Variants in RARB observed in about 807,000 individuals in gnomAD.
RARB encodes the protein HBV-activated protein.
A neutral mutation model predicts 51.9 loss-of-function variants in RARB; 17 were observed. The ratio of observed to expected loss-of-function variants is 0.33; its 90% CI spans 0.22 to 0.49. RARB has a LOEUF of 0.49. Ranked by LOEUF, RARB falls within the 20% of genes least tolerant of loss-of-function variation. The pLI is 0.99. For missense variants in RARB, 369 were observed against 550.8 expected (o/e 0.67, Z 3.30); for synonymous variants, 215 against 195.4 (o/e 1.10, Z -0.84).
intron 1 of RARB, chr3:25,458,221 G>A (rs1005198969): frequency 6.6e-6 from 1 of 152,208 alleles, no homozygotes; most frequent in African/African-American, 2.4e-5. Context: ...AATGTTTTCT[G>A]TGAAAAATAT....
intron 2 of RARB, among the ~76,000 whole-genome samples, chr3:24,935,791 T>C (rs1017879427): frequency 6.6e-6 from 1 of 152,174 alleles, no homozygotes; most frequent in African/African-American, 2.4e-5. Flanking sequence ...TAATATGGCA[T>C]AATCATAACT....
At chr3:25,014,071 C>T (rs1449630427) in intron 2 of RARB, among the ~76,000 whole-genome samples, 1 of 152,118 alleles carries the variant, frequency 6.6e-6, no homozygotes, top group African/African-American at 2.4e-5. Flanking sequence ...AAACTCAAAA[C>T]TTACCTCCTT....
At chr3:25,080,675 G>T (rs1385206456) in intron 3 of RARB, among the ~76,000 whole-genome samples, 1 of 152,148 alleles carries the variant, frequency 6.6e-6, no homozygotes, top group Non-Finnish European at 1.5e-5. Context: ...ATGATGTTGA[G>T]CATTTCATGT....
Position 25,478,103 on chromosome 3 carries a change from C to T in RARB, c.306+16762C>T, listed in dbSNP as rs114921984. Reference sequence around the variant, plus strand: ...ACATGGGGGCTCAGAGGTCCAAAAACGAAGGTTGCAGAGGACAAGGTAGGA... The same window carrying T: ...ACATGGGGGCTCAGAGGTCCAAAAATGAAGGTTGCAGAGGACAAGGTAGGA... On this transcript the variant is annotated intron_variant, in intron 2 of 7. Transcript: ENST00000330688. 3.2e-3 allele frequency among the ~76,000 whole-genome samples: 483 copies of T among 152,176 alleles called. 1 individual carries two copies. Among genetic ancestry groups the T allele is most frequent in the African/African-American group, 0.011 (466 of 41,502 alleles).
At chr3:25,210,828 C>T (rs1701678628) in intron 5 of RARB, among the ~76,000 whole-genome samples, 2 of 152,052 alleles carry the variant, frequency 1.3e-5, no homozygotes, top group Admixed American at 1.3e-4. Context: ...AGCCACCATG[C>T]CCAGCCTTTG....
At chr3:24,932,356 A>G (rs9835325) in intron 2 of RARB, among the ~76,000 whole-genome samples, 5,032 of 152,146 alleles carry the variant, frequency 0.033, 252 homozygotes, top group African/African-American at 0.11. Context: ...TGGTACTATG[A>G]TATGAATGGT....
chr3:25,255,161 GT>G (rs1331236617), intron 5 of RARB, among the ~76,000 whole-genome samples: 5 of 152,110 alleles, frequency 3.3e-5, no homozygotes, highest in African/African-American at 1.2e-4. Context: ...TGTCTACTTA[GT>G]TCTCTCATGC....
At chr3:24,944,755 A>T (rs777484431) in intron 2 of RARB, among the ~76,000 whole-genome samples, 1 of 152,212 alleles carries the variant, frequency 6.6e-6, no homozygotes, top group Admixed American at 6.5e-5. Context: ...GAACAGGTAC[A>T]AGCATATTCT....
At chr3:25,204,722 A>G (rs1407941422) in intron 5 of RARB, among the ~76,000 whole-genome samples, 1 of 152,190 alleles carries the variant, frequency 6.6e-6, no homozygotes, top group African/African-American at 2.4e-5. Context: ...TATCAGCAGC[A>G]GAGGCTGCAG....
chr3:25,509,728 C>T (rs1378409468), intron 3 of RARB, among the ~76,000 whole-genome samples: 11 of 152,144 alleles, frequency 7.2e-5, no homozygotes, highest in Non-Finnish European at 1.2e-4. Context: ...GGACGCCTGG[C>T]CCCCTTCCTT....
intron 3 of RARB, among the ~76,000 whole-genome samples, chr3:25,510,889 T>G (rs187643328): frequency 6.6e-6 from 1 of 152,356 alleles, no homozygotes; most frequent in Admixed American, 6.5e-5. Context: ...AATCTGTCTT[T>G]TTAACAGATG....
chr3:25,595,825 C>A (rs760578611), intron 7 of RARB, among the ~76,000 whole-genome samples: 9 of 152,136 alleles, frequency 5.9e-5, no homozygotes, highest in Admixed American at 1.3e-4. Context: ...TCGTGAACTC[C>A]TCTGTTTGTG....
intron 5 of RARB, among the ~76,000 whole-genome samples, chr3:25,230,406 C>T (rs1483921972): frequency 1.3e-5 from 2 of 151,936 alleles, no homozygotes; most frequent in African/African-American, 2.4e-5. Context: ...CCCACTCATC[C>T]CCAAATCTCA....
At chr3:25,495,969 C>A (rs1412892436) in intron 2 of RARB, among the ~76,000 whole-genome samples, 1 of 152,210 alleles carries the variant, frequency 6.6e-6, no homozygotes, top group Non-Finnish European at 1.5e-5. Context: ...CAAGTCACAG[C>A]CAACAGAGGC....
chr3:24,913,105 T>C (rs1363175457), intron 2 of RARB, among the ~76,000 whole-genome samples: 3 of 149,322 alleles, frequency 2.0e-5, no homozygotes, highest in Non-Finnish European at 4.4e-5. Context: ...CTCAGCCTCC[T>C]GAGCAGCTAG....
At chr3:24,993,878 T>C (rs2125436788) in intron 2 of RARB, among the ~76,000 whole-genome samples, 1 of 152,312 alleles carries the variant, frequency 6.6e-6, no homozygotes, top group East Asian at 1.9e-4. Flanking sequence ...TGTGTATATA[T>C]ACCATGCTTT....
At chr3:24,887,611 C>T (rs191537288) in intron 2 of RARB, among the ~76,000 whole-genome samples, 2 of 152,332 alleles carry the variant, frequency 1.3e-5, no homozygotes, top group Admixed American at 6.5e-5. Flanking sequence ...GAAAGAATAG[C>T]TGTAGGCCAG....
intron 2 of RARB, among the ~76,000 whole-genome samples, chr3:24,920,470 C>T (rs1695194707): frequency 6.6e-6 from 1 of 152,164 alleles, no homozygotes; most frequent in Non-Finnish European, 1.5e-5. Context: ...CTCCCTTGAA[C>T]ACTGTAGCTT....
At chr3:24,861,705 T>C (rs1367338772) in intron 2 of RARB, among the ~76,000 whole-genome samples, 1 of 152,072 alleles carries the variant, frequency 6.6e-6, no homozygotes, top group Non-Finnish European at 1.5e-5. Context: ...TAATAGGTAG[T>C]TGGGTTCACG....
Sources: allele counts gnomAD v4.1 joint callset (sites outside exome capture counted in the v4.1 genomes callset), GRCh38; gene constraint gnomAD v4.1.1; transcripts MANE v1.5; gene names NCBI Gene and HGNC (gene_info 2026-07-23, HGNC 2026-07-21).